Variants in TMPRSS15 observed in about 807,000 individuals in gnomAD.
TMPRSS15 encodes transmembrane serine protease 15, also known as enteropeptidase.
A neutral mutation model predicts 125.3 loss-of-function variants in TMPRSS15; 128 were observed. That is an observed-to-expected ratio of 1.02 (90% confidence interval 0.89 to 1.18). The LOEUF is 1.18. Among genes scored for constraint, TMPRSS15 ranks in the 50% most tolerant of loss-of-function variants. The probability of loss-of-function intolerance (pLI) is 0.00; values close to 1 mark genes in which losing one functional copy is unlikely to be tolerated. For missense variants in TMPRSS15, 1,283 were observed against 1,212.7 expected (o/e 1.06, Z -0.86); for synonymous variants, 446 against 423.2 (o/e 1.05, Z -0.66).
chr21:18,416,518 TGTTCCATCTCCTTGGTTA>T (rs1284492113), intron 1 of TMPRSS15, among the ~76,000 whole-genome samples: 1 of 152,068 alleles, frequency 6.6e-6, no homozygotes, highest in Non-Finnish European at 1.5e-5. Context: ...TACAGCCCAG[TGTTCCATCTCCTTGGTTA>T]GTAATATTCT....
intron 5 of TMPRSS15, among the ~76,000 whole-genome samples, chr21:18,376,418 C>T (rs1380410046): frequency 6.6e-6 from 1 of 152,158 alleles, no homozygotes; most frequent in African/African-American, 2.4e-5. Flanking sequence ...AAAATCTCTG[C>T]ATCTCAGTCT....
rs189960635 is a variant in TMPRSS15, at chr21:18,300,999, A to T, written c.2166-3170T>A. On this transcript the variant is annotated intron_variant, in intron 18 of 24. Coordinates refer to ENST00000284885, the MANE Select transcript of TMPRSS15 (RefSeq NM_002772.3). Reference sequence around the variant, plus strand: ...ATGTGTAATCTTATTTTCTGAGATGATCTTTTCAACATTTTTAGTCTCAAA... The same window carrying T: ...ATGTGTAATCTTATTTTCTGAGATGTTCTTTTCAACATTTTTAGTCTCAAA... Among the ~76,000 whole-genome samples, 379 of 152,334 alleles carry T rather than the reference A, an allele frequency of 2.5e-3. 1 individual carries two copies. Among genetic ancestry groups the T allele is most frequent in the Middle Eastern group, 6.8e-3 (2 of 294 alleles).
intron 1 of TMPRSS15, among the ~76,000 whole-genome samples, chr21:18,433,387 T>C (rs997277157): frequency 6.6e-6 from 1 of 152,002 alleles, no homozygotes; most frequent in African/African-American, 2.4e-5. Flanking sequence ...TCTGCCTCAT[T>C]TATCTTAAAA....
At chr21:18,295,288 T>TC (rs2074891493) in intron 19 of TMPRSS15, among the ~76,000 whole-genome samples, 2 of 152,214 alleles carry the variant, frequency 1.3e-5, no homozygotes, top group Non-Finnish European at 2.9e-5. Context: ...TTTTTCAGTG[T>TC]CAAGAATTCC....
At position 18,281,224 on chromosome 21, in the gene TMPRSS15, G is replaced by C; in HGVS notation, c.2487-3C>G. ...ACTTGGATGGCTCTAAGTTTCTCCT[G>C]AAAATTGTAATGAAGAAATATGAGA... is the stretch of plus-strand genomic sequence containing the variant. On this transcript the variant is annotated splice_polypyrimidine_tract_variant and splice_region_variant and intron_variant, in intron 21 of 24. Coordinates refer to ENST00000284885, the MANE Select transcript of TMPRSS15 (RefSeq NM_002772.3). 6.2e-7 allele frequency: 1 copy of C among 1,613,678 alleles called. No individual in the cohort carries two copies. Among genetic ancestry groups the C allele is most frequent in the Non-Finnish European group, 8.5e-7 (1 of 1,179,830 alleles).
intron 1 of TMPRSS15, among the ~76,000 whole-genome samples, chr21:18,446,620 G>T (rs1019968079): frequency 6.6e-6 from 1 of 152,192 alleles, no homozygotes; most frequent in Admixed American, 6.5e-5. Flanking sequence ...CAATAGAACA[G>T]AATACGGAAC....
chr21:18,465,602 T>A (rs2122955631), intron 1 of TMPRSS15, among the ~76,000 whole-genome samples: 1 of 152,110 alleles, frequency 6.6e-6, no homozygotes, highest in Non-Finnish European at 1.5e-5. Context: ...TCACAGGCAT[T>A]CCTATAAACA....
chr21:18,329,050 T>C, intron 15 of TMPRSS15, 119 bp downstream of exon 15: 1 of 1,117,674 alleles, frequency 8.9e-7, no homozygotes, highest in Non-Finnish European at 1.3e-6. Flanking sequence ...GTCACTTTAC[T>C]ATTGTATTTT....
intron 13 of TMPRSS15, among the ~76,000 whole-genome samples, chr21:18,337,912 G>T (rs942879112): frequency 6.6e-6 from 1 of 152,150 alleles, no homozygotes; most frequent in Non-Finnish European, 1.5e-5. Context: ...AATGTTTTCT[G>T]CTGTGAAAAA....
In TMPRSS15 at chr21:18,409,154, T is replaced by C. The variant is rs576203268; in HGVS notation, c.11-10825A>G. 2.0e-4 allele frequency among the ~76,000 whole-genome samples: 31 copies of C among 152,016 alleles called. No homozygotes were observed. In the South Asian group the frequency reaches 6.0e-3, roughly 29 times the overall value. On this transcript the variant is annotated intron_variant, in intron 1 of 7. Coordinates refer to the TMPRSS15 transcript ENST00000422787. Reference sequence around the variant, plus strand: ...GGAATTCTGAAGATTTTTTTAATAGTGTGTTTTTTTTTCTGCCACTGAACA... The same window carrying C: ...GGAATTCTGAAGATTTTTTTAATAGCGTGTTTTTTTTTCTGCCACTGAACA...
At chr21:18,433,739 G>A (rs1314147799) in intron 1 of TMPRSS15, among the ~76,000 whole-genome samples, 1 of 150,196 alleles carries the variant, frequency 6.7e-6, no homozygotes, top group African/African-American at 2.5e-5. Context: ...ATTTTGGTAA[G>A]GGCCGAGTAT....
At chr21:18,347,553 A>G (rs1472996548) in intron 10 of TMPRSS15, among the ~76,000 whole-genome samples, 1 of 152,078 alleles carries the variant, frequency 6.6e-6, no homozygotes, top group East Asian at 1.9e-4. Context: ...ATTTATGTTT[A>G]TATGTGACTT....
At chr21:18,294,473 T>C in intron 20 of TMPRSS15, 29 bp from the exon 21 acceptor site, 2 of 1,613,890 alleles carry the variant, frequency 1.2e-6, no homozygotes, top group Non-Finnish European at 1.7e-6. Flanking sequence ...AAAGAGCATC[T>C]ATTTCATTTT....
chr21:18,326,356 T>C (rs765273861), intron 16 of TMPRSS15, 76 bp downstream of exon 16: 16 of 1,563,412 alleles, frequency 1.0e-5, no homozygotes, highest in Non-Finnish European at 1.3e-5. Flanking sequence ...ATCATGATTT[T>C]GGCCTTGAAA....
chr21:18,347,932 C>T (rs953518068), intron 10 of TMPRSS15, among the ~76,000 whole-genome samples: 3 of 152,036 alleles, frequency 2.0e-5, no homozygotes, highest in Admixed American at 6.6e-5. Flanking sequence ...AAAAAGAGGC[C>T]ACCTTATACT....
chr21:18,462,955 C>T (rs1163173668), intron 1 of TMPRSS15, among the ~76,000 whole-genome samples: 2 of 152,062 alleles, frequency 1.3e-5, no homozygotes, highest in Non-Finnish European at 2.9e-5. Context: ...TCCACCCAAA[C>T]TGAGCTTCAT....
intron 15 of TMPRSS15, among the ~76,000 whole-genome samples, chr21:18,328,179 T>C (rs1200311560): frequency 1.3e-5 from 2 of 152,116 alleles, no homozygotes; most frequent in Non-Finnish European, 2.9e-5. Flanking sequence ...ATTTCCTCTA[T>C]AATAGTACAC....
chr21:18,479,721 TAA>T (rs1156427230), intron 1 of TMPRSS15, among the ~76,000 whole-genome samples: 3 of 151,952 alleles, frequency 2.0e-5, no homozygotes, highest in Admixed American at 1.3e-4. Flanking sequence ...TGGCGATCAT[TAA>T]AAAGTCAGGA....
intron 1 of TMPRSS15, among the ~76,000 whole-genome samples, chr21:18,438,226 A>T (rs2076232709): frequency 6.7e-6 from 1 of 150,028 alleles, no homozygotes. Flanking sequence ...TATCGCAAGG[A>T]CAAAAAACCA....
Sources: gnomAD v4.1 joint callset for allele counts (sites outside exome capture counted in the v4.1 genomes callset) on GRCh38, gnomAD v4.1.1 for gene constraint, MANE v1.5 for transcripts, NCBI Gene and HGNC (gene_info 2026-07-23, HGNC 2026-07-21) for gene names.